SLC52A3: variants seen among roughly 807,000 people sequenced by gnomAD.
SLC52A3 encodes the protein solute carrier family 52 member 3.
In SLC52A3, 20 loss-of-function variants were observed where a neutral mutation model predicts 29.5. The ratio of observed to expected loss-of-function variants is 0.68; its 90% CI spans 0.48 to 0.99. The LOEUF (loss-of-function observed/expected upper bound fraction) is 0.99. SLC52A3 is among the 50% of genes least tolerant of loss of function. The pLI, the probability that SLC52A3 is intolerant of heterozygous loss-of-function variation, is 0.00. For missense variants in SLC52A3, 548 were observed against 612.9 expected, an observed-to-expected ratio of 0.89 and a Z score of 1.12; for synonymous variants, 301 against 271.0, an observed-to-expected ratio of 1.11 and a Z score of -1.09.
chr20:768,226 G>A (rs1006106981), intron 1 of SLC52A3, 71 bp downstream of exon 1: 1 of 152,168 alleles, frequency 6.6e-6, no homozygotes, highest in African/African-American at 2.4e-5. Flanking sequence ...TAATTCACAT[G>A]AGAATTAATA....
chr20:777,267 A>AACAAAAAAC (rs1555785019), upstream of SLC52A3, among the ~76,000 whole-genome samples: 2 of 39,766 alleles, frequency 5.0e-5, no homozygotes, highest in Non-Finnish European at 8.7e-5. Flanking sequence ...CAAACAAACA[A>AACAAAAAAC]AAAACAAAAA....
chr20:777,793 AC>A (rs71191973), upstream of SLC52A3, among the ~76,000 whole-genome samples: 2 of 151,856 alleles, frequency 1.3e-5, no homozygotes, highest in Non-Finnish European at 2.9e-5. Context: ...GGACATACAC[AC>A]CCCCAAAATA....
At chr20:763,293 C>T (rs775959624) in intron 3 of SLC52A3, among the ~76,000 whole-genome samples, 27 of 152,244 alleles carry the variant, frequency 1.8e-4, no homozygotes, top group Admixed American at 1.4e-3. Flanking sequence ...TCCCATTTTC[C>T]GATAAATATC....
chr20:772,541 C>A (rs575487655), upstream of SLC52A3, among the ~76,000 whole-genome samples: 1 of 150,938 alleles, frequency 6.6e-6, no homozygotes, highest in South Asian at 2.1e-4. Flanking sequence ...GGCTGGTGTT[C>A]GGAATGTGTT....
intron 4 of SLC52A3, chr20:761,481 GC>G (rs1986477407): frequency 1.4e-6 from 1 of 733,938 alleles, no homozygotes; most frequent in African/African-American, 1.8e-5. Flanking sequence ...TTGAGAGAAG[GC>G]CCCTGCTGAG....
intron 2 of SLC52A3, among the ~76,000 whole-genome samples, chr20:764,537 A>T (rs6077095): frequency 0.36 from 41,677 of 115,156 alleles, 9,884 homozygotes; most frequent in Non-Finnish European, 0.42. Context: ...CCCCCACCTA[A>T]GGAAGAACAC....
At chr20:767,261 AGAG>A (rs1645263219) in intron 1 of SLC52A3, among the ~76,000 whole-genome samples, 1 of 152,240 alleles carries the variant, frequency 6.6e-6, no homozygotes, top group South Asian at 2.1e-4. Flanking sequence ...TGGTCATAGA[AGAG>A]GAGGAAAAAC....
chr20:761,738 G>C lies in SLC52A3; in HGVS notation c.1160C>G (p.Pro387Arg). ...NMAMAVMSPC[P>R]LLQGHWGGEV... The stretch of plus-strand genomic sequence containing the variant: ...CCCACCCCAGTGGCCCTGCAAGAGG[G>C]GGCAGGGGCTCATCACCGCCATGGC... The change falls in exon 4 of 5, where the codon CCC (proline) becomes CGC (arginine). Residue 387 changes from proline (P) to arginine (R), a missense_variant. Physicochemically the swap from Pro to Arg is moderately radical, Grantham distance 103. Coordinates refer to ENST00000645534, the MANE Select transcript of SLC52A3 (RefSeq NM_033409.4). 6.2e-7 allele frequency: 1 copy of C among 1,614,128 alleles called. No individual in the cohort carries two copies. Among genetic ancestry groups the C allele is most frequent in the Non-Finnish European group, 8.5e-7 (1 of 1,180,012 alleles).
At chr20:762,911 C>T (rs1477663541) in intron 3 of SLC52A3, among the ~76,000 whole-genome samples, 3 of 152,222 alleles carry the variant, frequency 2.0e-5, no homozygotes, top group African/African-American at 4.8e-5. Context: ...AAGCCCCTGC[C>T]TCAGAACCGT....
chr20:761,374 T>G (rs1986470245), intron 4 of SLC52A3, 136 bp from the exon 5 acceptor site: 2 of 1,059,106 alleles, frequency 1.9e-6, no homozygotes, highest in East Asian at 5.2e-5. Context: ...GGAGTGAGCC[T>G]GCGGGGCCGA....
chr20:764,555 C>G (rs1162480009), intron 2 of SLC52A3, among the ~76,000 whole-genome samples: 1 of 66,974 alleles, frequency 1.5e-5, no homozygotes, highest in African/African-American at 4.4e-5. Context: ...CACTGCTCCA[C>G]CCATCGTCTA....
chr20:762,434 GT>G (rs1986522123), intron 3 of SLC52A3, among the ~76,000 whole-genome samples: 2 of 152,272 alleles, frequency 1.3e-5, no homozygotes, highest in South Asian at 4.2e-4. Context: ...CTCTCTACAG[GT>G]GGCCTTCCAT....
rs1325226010 is a variant in SLC52A3, at chr20:765,961, T to C, written c.-51-136A>G. ...GCTTTTTTTTTTTTCCTTTGAGACA[T>C]AGTTTCACTCTTTTAGTCCAGGCTG... On this transcript the variant is annotated intron_variant, in intron 1 of 4. Coordinates refer to ENST00000645534, the MANE Select transcript of SLC52A3 (RefSeq NM_033409.4). This position sits in a 1 kb window ranked among gnomAD's most constrained non-coding sequence, Gnocchi z 6.6. 9.7e-5 allele frequency: 60 copies of C among 616,684 alleles called. No individual in the cohort carries two copies. Among genetic ancestry groups the C allele is most frequent in the Middle Eastern group, 8.7e-4 (2 of 2,300 alleles). The allele number at this position is 616,684 out of a possible 1,614,324, so 38.2% of individuals were successfully genotyped here. A position where few individuals can be genotyped will look rare whatever the true frequency, so the allele number is the denominator to read the frequency against.
rs768755708 is a variant in SLC52A3, at chr20:765,178, G to A, written c.567+30C>T. On this transcript the variant is annotated intron_variant, in intron 2 of 4. Transcript: ENST00000645534. The surrounding 1 kb of genome is among the most constrained non-coding windows in gnomAD (Gnocchi z 6.6). ...CCCTACATTTGTGATAAAGCCAAGT[G>A]CTGAGATGGCTCCGGGTGATGCTGG... 1 of 1,612,866 alleles carries A rather than the reference G, an allele frequency of 6.2e-7. No homozygotes were observed. The highest frequency in any genetic ancestry group is 1.7e-5 in the Admixed American group (1 of 60,028).
upstream of SLC52A3, among the ~76,000 whole-genome samples, chr20:777,272 C>CAAA (rs11438035): frequency 3.2e-4 from 48 of 148,010 alleles, no homozygotes; most frequent in African/African-American, 1.2e-3. Context: ...AAACAAAAAA[C>CAAA]AAAAAAAAAA....
chr20:775,228 G>A (rs1272128557), intron 1 of SLC52A3, among the ~76,000 whole-genome samples: 2 of 150,748 alleles, frequency 1.3e-5, no homozygotes, highest in African/African-American at 4.9e-5. Flanking sequence ...TTCCGAGATA[G>A]CATGGAGATG....
upstream of SLC52A3, among the ~76,000 whole-genome samples, chr20:772,881 G>T (rs1015334804): frequency 1.3e-5 from 2 of 152,166 alleles, no homozygotes; most frequent in African/African-American, 4.8e-5. Context: ...CAGAAAGCAC[G>T]GTCCAGGGGA....
At chr20:761,535 T>C in intron 4 of SLC52A3, 166 bp downstream of exon 4, 1 of 1,050,392 alleles carries the variant, frequency 9.5e-7, no homozygotes, top group Non-Finnish European at 1.4e-6. Flanking sequence ...CTCGATTCCC[T>C]AAGCCTCCAC....
upstream of SLC52A3, among the ~76,000 whole-genome samples, chr20:777,691 T>G (rs916526238): frequency 6.6e-6 from 1 of 152,200 alleles, no homozygotes; most frequent in Non-Finnish European, 1.5e-5. Context: ...AGGCTAATGC[T>G]TGGGGCGAGA....
Sources: gnomAD v4.1 joint callset for allele counts (sites outside exome capture counted in the v4.1 genomes callset) on GRCh38, gnomAD v4.1.1 for gene constraint, Gnocchi (gnomAD v3.1) non-coding constraint, MANE v1.5 for transcripts, NCBI Gene and HGNC (gene_info 2026-07-23, HGNC 2026-07-21) for gene names.